Variants in CXCR2 observed in about 807,000 individuals in gnomAD.
The protein encoded by CXCR2 is C-X-C motif chemokine receptor 2.
Under a neutral mutation model 3.7 loss-of-function variants are expected in CXCR2, and 2 were observed. The observed-to-expected ratio is 0.55, with a 90% CI of 0.22 to 1.72. The LOEUF (loss-of-function observed/expected upper bound fraction) is 1.72, where lower values mean the gene tolerates loss of function less well. CXCR2 is among the 40% of genes most tolerant of loss of function. CXCR2 has a pLI of 0.19. For synonymous variants in CXCR2, 203 were observed against 193.3 expected (o/e 1.05, Z -0.41); for missense variants, 351 against 450.1 (o/e 0.78, Z 1.99).
In CXCR2 at chr2:218,135,465, G is replaced by T. The variant is rs764732879; in HGVS notation, c.664G>T (p.Val222Leu). The change falls in exon 3 of 3, where the codon GTG (valine) becomes TTG (leucine). Residue 222 changes from valine to leucine, a missense_variant. By Grantham distance (32) the Val-to-Leu change is conservative (BLOSUM62 1). Coordinates refer to ENST00000318507, the MANE Select transcript of CXCR2 (RefSeq NM_001557.4). This position sits in a 1 kb window ranked among gnomAD's most constrained non-coding sequence, Gnocchi z 4.0. ...RILPQSFGFIVPLLIMLFCYG... is the reference protein window; with the variant it reads ...RILPQSFGFILPLLIMLFCYG... Reference sequence around the variant, plus strand: ...CCTGCCCCAGTCCTTTGGCTTCATCGTGCCACTGCTGATCATGCTGTTCTG... The same window carrying T: ...CCTGCCCCAGTCCTTTGGCTTCATCTTGCCACTGCTGATCATGCTGTTCTG... 6.8e-6 allele frequency: 11 copies of T among 1,614,138 alleles called. No individual in the cohort carries two copies. Among genetic ancestry groups the T allele is most frequent in the South Asian group, 3.3e-5 (3 of 91,076 alleles).
chr2:218,129,454 A>G (rs539557772), intron 2 of CXCR2, 89 bp downstream of exon 2: 1 of 152,174 alleles, frequency 6.6e-6, no homozygotes, highest in East Asian at 1.9e-4. Context: ...TATCCTAAGC[A>G]TCTCTCCCCA....
chr2:218,125,315 G>A (rs1690483966), upstream of CXCR2: 1 of 152,286 alleles, frequency 6.6e-6, no homozygotes, highest in South Asian at 2.1e-4. Flanking sequence ...CTGAGAATAT[G>A]CAGCCGTTTT....
rs200324838 is a variant in CXCR2 at position 218,126,135 on chromosome 2, T to A, written c.-296T>A. On this transcript the variant is annotated 5_prime_UTR_variant, in exon 1 of 3. Transcript: ENST00000318507. ...TCCCCAGCACTCATCCCAGAATCAC[T>A]AAGTGGCACCTGTCCTGGGCCAAAG... 2 of 152,330 alleles carry A rather than the reference T, an allele frequency of 1.3e-5. No individual in the cohort carries two copies. The highest frequency in any genetic ancestry group is 2.4e-5 in the African/African-American group (1 of 41,432). 9.4% of individuals were successfully genotyped at this position (152,330 alleles called of 1,614,324 possible). A position where few individuals can be genotyped will look rare whatever the true frequency, so the allele number is the denominator to read the frequency against.
chr2:218,130,896 A>G (rs1690627610), intron 2 of CXCR2: 1 of 152,592 alleles, frequency 6.6e-6, no homozygotes, highest in Non-Finnish European at 1.5e-5. Context: ...CCTGACTTGC[A>G]TGCTCTCCCT....
Position 218,135,530 on chromosome 2 carries a change from G to A in CXCR2, c.729G>A (p.Met243Ile). Residue 243 changes from methionine to isoleucine, a missense_variant, in exon 3 of 3, where the codon ATG (methionine) becomes ATA (isoleucine). By Grantham distance (10) the Met-to-Ile change is conservative. Coordinates refer to ENST00000318507, the MANE Select transcript of CXCR2 (RefSeq NM_001557.4). The surrounding 1 kb of genome is among the most constrained non-coding windows in gnomAD (Gnocchi z 4.0). ...FTLRTLFKAH[M>I]GQKHRAMRVI... ...TGCGTACGCTGTTTAAGGCCCACAT[G>A]GGGCAGAAGCACCGGGCCATGCGGG... is the stretch of plus-strand genomic sequence containing the variant. 6.2e-7 allele frequency: 1 copy of A among 1,614,156 alleles called. No individual in the cohort carries two copies. Among genetic ancestry groups the A allele is most frequent in the Non-Finnish European group, 8.5e-7 (1 of 1,180,042 alleles).
At chr2:218,131,530 C>T (rs182776337) in intron 2 of CXCR2, among the ~76,000 whole-genome samples, 154 of 144,716 alleles carry the variant, frequency 1.1e-3, no homozygotes, top group South Asian at 8.9e-3. Context: ...AGTGCAGTGG[C>T]GCCATCTCGG....
intron 1 of CXCR2, among the ~76,000 whole-genome samples, chr2:218,128,981 C>T (rs1690575607): frequency 6.6e-6 from 1 of 152,204 alleles, no homozygotes; most frequent in Non-Finnish European, 1.5e-5. Context: ...TGCCAGGAGA[C>T]TCAGACAAGG....
intron 1 of CXCR2, among the ~76,000 whole-genome samples, 179 bp from the exon 2 acceptor site, chr2:218,129,135 A>G (rs189140168): frequency 4.6e-5 from 7 of 152,326 alleles, no homozygotes; most frequent in African/African-American, 1.4e-4. Context: ...TCCCTTCCCA[A>G]TATAAACTCT....
At chr2:218,130,957 C>T (rs1434539901) in intron 2 of CXCR2, 1 of 152,492 alleles carries the variant, frequency 6.6e-6, no homozygotes, top group Non-Finnish European at 1.5e-5. Flanking sequence ...CTCACCCATA[C>T]ACCTCCAGCC....
At chr2:218,130,687 C>T (rs149969782) in intron 2 of CXCR2, among the ~76,000 whole-genome samples, 283 of 152,324 alleles carry the variant, frequency 1.9e-3, no homozygotes, top group Non-Finnish European at 3.4e-3. Context: ...CCATGGAGAT[C>T]ATGTACCTGT....
intron 1 of CXCR2, among the ~76,000 whole-genome samples, chr2:218,128,128 C>T (rs767748262): frequency 1.3e-5 from 2 of 152,236 alleles, no homozygotes; most frequent in Non-Finnish European, 2.9e-5. Flanking sequence ...CCCCATTTTA[C>T]AGATGAGTAA....
chr2:218,127,269 G>T (rs1019362276), intron 1 of CXCR2, among the ~76,000 whole-genome samples: 1 of 152,160 alleles, frequency 6.6e-6, no homozygotes, highest in Admixed American at 6.5e-5. Context: ...TGGGATTACA[G>T]GCGTGCGCTG....
At position 218,135,264 on chromosome 2, in the gene CXCR2, C is replaced by A; in HGVS notation, c.463C>A (p.Leu155Met). 2 of 1,614,236 alleles carry A rather than the reference C, an allele frequency of 1.2e-6. No homozygotes were observed. The highest frequency in any genetic ancestry group is 1.7e-6 in the Non-Finnish European group (2 of 1,180,038). ...GGCCATTGTCCATGCCACACGCACA[C>A]TGACCCAGAAGCGCTACTTGGTCAA... ...YLAIVHATRT[L>M]TQKRYLVKFI... is the part of the protein sequence containing the mutation. Residue 155 changes from leucine to methionine, a missense_variant, in exon 3 of 3, where the codon CTG (leucine) becomes ATG (methionine). Transcript: ENST00000318507. The surrounding 1 kb of genome is among the most constrained non-coding windows in gnomAD (Gnocchi z 4.0).
chr2:218,128,896 C>T, intron 1 of CXCR2, among the ~76,000 whole-genome samples: 1 of 152,152 alleles, frequency 6.6e-6, no homozygotes, highest in East Asian at 1.9e-4. Flanking sequence ...ATGCACTGCT[C>T]CCTTTGACAT....
intron 2 of CXCR2, among the ~76,000 whole-genome samples, chr2:218,132,957 G>C (rs982910681): frequency 2.0e-5 from 3 of 152,208 alleles, no homozygotes; most frequent in Non-Finnish European, 4.4e-5. Context: ...CTGCTAAGCT[G>C]TTTTCCAAAG....
chr2:218,135,042 T>C lies in CXCR2; in HGVS notation c.241T>C (p.Ser81Pro). The C allele has an allele frequency of 1.2e-6, 2 of 1,614,232 alleles. No homozygotes were observed. The highest frequency in any genetic ancestry group is 1.7e-6 in the Non-Finnish European group (2 of 1,180,032). Residue 81 changes from serine to proline, a missense_variant, in exon 3 of 3, where the codon TCC (serine) becomes CCC (proline). Ser to Pro is a moderately conservative substitution (Grantham distance 74, BLOSUM62 -1). Transcript: ENST00000318507. The surrounding 1 kb of genome is among the most constrained non-coding windows in gnomAD (Gnocchi z 4.0). Reference sequence around the variant, plus strand: ...CATCTTATACAGCAGGGTCGGCCGCTCCGTCACTGATGTCTACCTGCTGAA... The same window carrying C: ...CATCTTATACAGCAGGGTCGGCCGCCCCGTCACTGATGTCTACCTGCTGAA... ...LVILYSRVGR[S>P]VTDVYLLNLA...
Position 218,136,081 on chromosome 2 carries a change from G to A in CXCR2, c.*197G>A, listed in dbSNP as rs757158909. ...AGCTTGCCCTGGTGCCTCACCCCTT[G>A]CCATAATTACTATGTCATTTGCTGG... On this transcript the variant is annotated 3_prime_UTR_variant, in exon 3 of 3. Transcript: ENST00000318507. 5 of 651,230 alleles carry A rather than the reference G, an allele frequency of 7.7e-6. No homozygotes were observed. Among genetic ancestry groups the A allele is most frequent in the African/African-American group, 5.5e-5 (3 of 54,806 alleles). 40.3% of individuals were successfully genotyped at this position (651,230 alleles called of 1,614,324 possible).
intron 2 of CXCR2, among the ~76,000 whole-genome samples, chr2:218,132,418 T>G (rs1224597064): frequency 9.2e-5 from 14 of 152,266 alleles, no homozygotes; most frequent in Admixed American, 9.2e-4. Flanking sequence ...CATGTTGTAT[T>G]GTGTATCAGT....
In CXCR2 at chr2:218,135,385, C is replaced by A. The variant is rs200413041; in HGVS notation, c.584C>A (p.Ala195Asp). 2.3e-4 allele frequency: 366 copies of A among 1,614,208 alleles called. No individual in the cohort carries two copies. The highest frequency in any genetic ancestry group is 1.4e-4 in the Non-Finnish European group (168 of 1,180,038). The stretch of plus-strand genomic sequence containing the variant: ...GTCTACTCATCCAATGTTAGCCCAG[C>A]CTGCTATGAGGACATGGGCAACAAT... ...RTVYSSNVSP[A>D]CYEDMGNNTA... Residue 195 changes from alanine to aspartate, a missense_variant, in exon 3 of 3, where the codon GCC (alanine) becomes GAC (aspartate). Transcript: ENST00000318507. The surrounding 1 kb of genome is among the most constrained non-coding windows in gnomAD (Gnocchi z 4.0).
Sources: allele counts gnomAD v4.1 joint callset (sites outside exome capture counted in the v4.1 genomes callset), GRCh38; gene constraint gnomAD v4.1.1; non-coding constraint Gnocchi (gnomAD v3.1); transcripts MANE v1.5; gene names NCBI Gene and HGNC (gene_info 2026-07-23, HGNC 2026-07-21).